The following ROBO2 variants were observed in gnomAD, a reference collection of about 807,000 sequenced individuals.
ROBO2 encodes the protein roundabout guidance receptor 2.
A neutral mutation model predicts 160.8 loss-of-function variants in ROBO2; 53 were observed. That is an observed-to-expected ratio of 0.33 (90% CI 0.26 to 0.41). ROBO2 has a LOEUF of 0.41. Among genes scored for constraint, ROBO2 ranks in the 10% least tolerant of loss-of-function variants. ROBO2 has a pLI of 1.00. For missense variants in ROBO2, 1,577 were observed against 1,722.4 expected, an observed-to-expected ratio of 0.92 and a Z score of 1.49; for synonymous variants, 664 against 611.7, an observed-to-expected ratio of 1.09 and a Z score of -1.26.
intron 2 of ROBO2, among the ~76,000 whole-genome samples, chr3:76,793,768 C>T (rs1428865813): frequency 2.0e-5 from 3 of 151,796 alleles, no homozygotes; most frequent in African/African-American, 7.3e-5. Context: ...ATTTCTGTAT[C>T]ACCTATTTTG....
chr3:76,618,449 A>G (rs186010776), intron 2 of ROBO2, among the ~76,000 whole-genome samples: 1 of 150,360 alleles, frequency 6.7e-6, no homozygotes, highest in East Asian at 1.9e-4. Context: ...ATATATATAT[A>G]AATATATATA....
chr3:77,009,218 A>G (rs750009536), intron 2 of ROBO2, among the ~76,000 whole-genome samples: 3 of 152,182 alleles, frequency 2.0e-5, no homozygotes, highest in African/African-American at 4.8e-5. Flanking sequence ...TAAACTCTGG[A>G]CTGATAATTC....
chr3:76,591,552 A>C (rs2086419026), intron 2 of ROBO2, among the ~76,000 whole-genome samples: 1 of 152,146 alleles, frequency 6.6e-6, no homozygotes, highest in African/African-American at 2.4e-5. Flanking sequence ...AACCTCCTGA[A>C]TTCTATCTTC....
chr3:76,411,290 ATGG>A (rs63518861), intron 2 of ROBO2, among the ~76,000 whole-genome samples: 4,381 of 152,270 alleles, frequency 0.029, 207 homozygotes, highest in African/African-American at 0.1. Context: ...CGAGTAAGAC[ATGG>A]TTCTTGTTCT....
At chr3:76,572,099 G>T (rs1418724116) in intron 2 of ROBO2, among the ~76,000 whole-genome samples, 1 of 152,052 alleles carries the variant, frequency 6.6e-6, no homozygotes, top group Admixed American at 6.6e-5. Flanking sequence ...AATAATATGT[G>T]GCACTTACTA....
Position 77,574,533 on chromosome 3 carries a change from G to A in ROBO2, c.2006G>A (p.Arg669Gln), listed in dbSNP as rs879183083. The change falls in exon 14 of 26, where the codon CGA (arginine) becomes CAA (glutamine). Residue 669 changes from arginine (R) to glutamine (Q), a missense_variant. Physicochemically the swap from Arg to Gln is conservative, Grantham distance 43. Coordinates refer to ENST00000461745, the Ensembl canonical transcript of ROBO2. ...CAACCCCAGTTTATCCAAGGCTACC[G>A]AGTGATGTATCGTCAGACTTCAGGT... is the stretch of plus-strand genomic sequence containing the variant. The A allele has an allele frequency of 6.8e-6, 11 of 1,613,220 alleles. No individual in the cohort carries two copies. The highest frequency in any genetic ancestry group is 6.7e-5 in the African/African-American group (5 of 74,848).
chr3:76,893,961 A>G (rs2074562538), intron 2 of ROBO2, among the ~76,000 whole-genome samples: 1 of 152,090 alleles, frequency 6.6e-6, no homozygotes, highest in Non-Finnish European at 1.5e-5. Context: ...GTGAATAATT[A>G]CCCCTGATTT....
chr3:75,998,785 A>G (rs925024256), intron 2 of ROBO2, among the ~76,000 whole-genome samples: 1 of 152,208 alleles, frequency 6.6e-6, no homozygotes, highest in East Asian at 1.9e-4. Context: ...AACACAAACT[A>G]AAATAATTAG....
chr3:76,503,538 T>C (rs185210223), intron 2 of ROBO2, among the ~76,000 whole-genome samples: 5 of 152,164 alleles, frequency 3.3e-5, no homozygotes, highest in African/African-American at 1.2e-4. Flanking sequence ...ATAACCAAGA[T>C]ATGAAATTAA....
At chr3:76,333,147 A>G (rs2073617098) in intron 2 of ROBO2, among the ~76,000 whole-genome samples, 1 of 152,204 alleles carries the variant, frequency 6.6e-6, no homozygotes, top group African/African-American at 2.4e-5. Flanking sequence ...TGGCGTTACC[A>G]CATAACAGCC....
chr3:76,233,526 C>G (rs1252064042), intron 2 of ROBO2, among the ~76,000 whole-genome samples: 1 of 152,170 alleles, frequency 6.6e-6, no homozygotes, highest in African/African-American at 2.4e-5. Flanking sequence ...ATTTACTGCA[C>G]CCTTTCTGTC....
intron 2 of ROBO2, among the ~76,000 whole-genome samples, chr3:76,322,103 A>T (rs541384203): frequency 6.8e-6 from 1 of 147,600 alleles, no homozygotes; most frequent in South Asian, 2.2e-4. Context: ...TGCCTTATAT[A>T]AAATATCTTG....
intron 5 of ROBO2, among the ~76,000 whole-genome samples, chr3:77,519,850 C>T (rs150042707): frequency 6.6e-6 from 1 of 151,352 alleles, no homozygotes; most frequent in African/African-American, 2.4e-5. Flanking sequence ...TTTGAGAAAT[C>T]TCCAAACTGC....
chr3:76,748,728 G>A (rs1560492525), intron 2 of ROBO2, among the ~76,000 whole-genome samples: 1 of 151,814 alleles, frequency 6.6e-6, no homozygotes, highest in Non-Finnish European at 1.5e-5. Flanking sequence ...AATCATGCTG[G>A]TAGGGTCATA....
At chr3:76,955,970 G>T (rs959735806) in intron 2 of ROBO2, among the ~76,000 whole-genome samples, 1 of 151,208 alleles carries the variant, frequency 6.6e-6, no homozygotes, top group Non-Finnish European at 1.5e-5. Context: ...TCAGTGGAAT[G>T]TGGCCTTAAC....
intron 2 of ROBO2, among the ~76,000 whole-genome samples, chr3:76,186,860 TC>T (rs547862884): frequency 3.3e-5 from 5 of 152,190 alleles, no homozygotes; most frequent in South Asian, 2.1e-4. Context: ...TGTTGCCAAG[TC>T]CAGTTTATTC....
chr3:76,159,466 AT>A (rs1297858040), intron 2 of ROBO2, among the ~76,000 whole-genome samples: 3 of 152,104 alleles, frequency 2.0e-5, no homozygotes, highest in Admixed American at 6.5e-5. Flanking sequence ...CACATTTTAA[AT>A]TTTTTTTGGA....
rs948853733 is a variant in ROBO2, at chr3:77,140,480, A to G, written c.388+42140A>G. Among the ~76,000 whole-genome samples, 4 of 152,348 alleles carry G rather than the reference A, an allele frequency of 2.6e-5. No homozygotes were observed. In the East Asian group the frequency reaches 5.8e-4, roughly 22 times the overall value. On this transcript the variant is annotated intron_variant, in intron 2 of 25. Coordinates refer to ENST00000461745, the Ensembl canonical transcript of ROBO2. ...CAGATATTGATTTAGATTCAATTAC[A>G]TAATACCTCCCAGTATCCCTAGAAT...
At chr3:77,381,709 A>G (rs1056820202) in intron 2 of ROBO2, among the ~76,000 whole-genome samples, 1 of 152,244 alleles carries the variant, frequency 6.6e-6, no homozygotes, top group Non-Finnish European at 1.5e-5. Context: ...AGGCAAGGGT[A>G]CTTGTGAACA....
Sources: allele counts gnomAD v4.1 joint callset (sites outside exome capture counted in the v4.1 genomes callset), GRCh38; gene constraint gnomAD v4.1.1; transcripts MANE v1.5; gene names NCBI Gene and HGNC (gene_info 2026-07-23, HGNC 2026-07-21).